The following NRG1 variants were observed in gnomAD, a reference collection of about 807,000 sequenced individuals.
The protein encoded by NRG1 is pro-neuregulin-1, membrane-bound isoform.
A neutral mutation model predicts 63.8 loss-of-function variants in NRG1; 18 were observed. The observed-to-expected ratio is 0.28, with a 90% CI of 0.19 to 0.42. The LOEUF (loss-of-function observed/expected upper bound fraction) is 0.42. NRG1 is among the 10% of genes least tolerant of loss of function. NRG1 has a pLI of 1.00. For missense variants in NRG1, 762 were observed against 814.7 expected (o/e 0.94, Z 0.79); for synonymous variants, 302 against 301.3 (o/e 1.00, Z -0.02).
chr8:32,556,421 T>A (rs948917293), intron 1 of NRG1, among the ~76,000 whole-genome samples: 2 of 152,184 alleles, frequency 1.3e-5, no homozygotes, highest in Non-Finnish European at 2.9e-5. Flanking sequence ...AGAAAAGTAG[T>A]AAGTTTCCAC....
chr8:32,047,797 T>C (rs184367282), intron 1 of NRG1, among the ~76,000 whole-genome samples: 200 of 151,990 alleles, frequency 1.3e-3, no homozygotes, highest in African/African-American at 4.5e-3. Context: ...ATTTACTCTT[T>C]TTTTTTTAAG....
intron 1 of NRG1, among the ~76,000 whole-genome samples, chr8:31,765,166 T>A (rs928663607): frequency 1.3e-5 from 2 of 152,184 alleles, no homozygotes; most frequent in Non-Finnish European, 2.9e-5. Context: ...CAATTTATTT[T>A]GTATGTTTAT....
intron 1 of NRG1, among the ~76,000 whole-genome samples, chr8:32,405,182 A>C (rs1420721166): frequency 2.0e-5 from 3 of 152,188 alleles, no homozygotes; most frequent in Non-Finnish European, 2.9e-5. Flanking sequence ...AAAGAAAGGA[A>C]GTTATGTGTT....
chr8:31,683,134 AAGG>A (rs748392300), intron 1 of NRG1, among the ~76,000 whole-genome samples: 2 of 152,158 alleles, frequency 1.3e-5, no homozygotes, highest in Non-Finnish European at 2.9e-5. Context: ...AAGAGAAAGG[AAGG>A]AGGTTTCATA....
intron 1 of NRG1, among the ~76,000 whole-genome samples, chr8:31,808,326 A>G (rs1366164255): frequency 6.6e-6 from 1 of 151,872 alleles, no homozygotes; most frequent in African/African-American, 2.4e-5. Context: ...TCAATCATTC[A>G]TCTTGTATAT....
intron 1 of NRG1, among the ~76,000 whole-genome samples, chr8:32,522,986 G>A (rs1168660586): frequency 6.6e-6 from 1 of 152,032 alleles, no homozygotes; most frequent in African/African-American, 2.4e-5. Context: ...ATTTTTCATA[G>A]ATATGGAGTT....
intron 3 of NRG1, among the ~76,000 whole-genome samples, chr8:32,609,515 G>C (rs1296839171): frequency 2.0e-5 from 3 of 151,666 alleles, no homozygotes; most frequent in African/African-American, 7.3e-5. Context: ...GACTTGGGCT[G>C]ATAGAGAGTA....
chr8:32,157,139 G>C (rs1450299543), intron 1 of NRG1, among the ~76,000 whole-genome samples: 1 of 150,928 alleles, frequency 6.6e-6, no homozygotes, highest in Non-Finnish European at 1.5e-5. Flanking sequence ...GGGAAGCCAA[G>C]GCGGGCGGAT....
chr8:32,210,247 AT>A (rs1347953226), intron 1 of NRG1, among the ~76,000 whole-genome samples: 2 of 152,118 alleles, frequency 1.3e-5, no homozygotes, highest in East Asian at 1.9e-4. Flanking sequence ...TATACCTATC[AT>A]TTTTTTCATA....
intron 6 of NRG1, among the ~76,000 whole-genome samples, chr8:32,739,288 T>C (rs1464531676): frequency 6.6e-6 from 1 of 152,116 alleles, no homozygotes; most frequent in Admixed American, 6.5e-5. Context: ...TCTTATTCCA[T>C]AGTTCTCGGC....
At chr8:31,872,234 T>G (rs2129611701) in intron 1 of NRG1, among the ~76,000 whole-genome samples, 1 of 152,330 alleles carries the variant, frequency 6.6e-6, no homozygotes, top group South Asian at 2.1e-4. Context: ...GGGAAATTAG[T>G]TCACAAGGTT....
chr8:32,197,481 A>G (rs559776411), intron 1 of NRG1, among the ~76,000 whole-genome samples: 15 of 152,184 alleles, frequency 9.9e-5, no homozygotes, highest in Non-Finnish European at 1.6e-4. Flanking sequence ...AGCCTGGGCA[A>G]AATGTGCCTC....
At chr8:31,639,368 C>G (rs1272406577) in exon 1 of NRG1, 2 of 1,534,240 alleles carry the variant, frequency 1.3e-6, no homozygotes, top group Non-Finnish European at 1.7e-6. Context: ...GACCCACTCG[C>G]GGGTCCCGCT....
chr8:32,405,483 G>A (rs754056519), intron 1 of NRG1, among the ~76,000 whole-genome samples: 2 of 152,180 alleles, frequency 1.3e-5, no homozygotes, highest in Non-Finnish European at 2.9e-5. Context: ...ACATAGATGA[G>A]TAATTTGGGA....
At chr8:32,175,932 C>T (rs1840675113) in intron 1 of NRG1, among the ~76,000 whole-genome samples, 1 of 152,078 alleles carries the variant, frequency 6.6e-6, no homozygotes, top group African/African-American at 2.4e-5. Flanking sequence ...GATTCAATGC[C>T]ATCCCCATCA....
intron 1 of NRG1, among the ~76,000 whole-genome samples, chr8:31,641,329 T>C (rs1563246963): frequency 1.4e-5 from 2 of 140,156 alleles, no homozygotes; most frequent in African/African-American, 5.1e-5. Flanking sequence ...TTGTTATTGG[T>C]GGGGGTTTTT....
In NRG1 at chr8:32,178,040, G is replaced by A. The variant is rs1486124975; in HGVS notation, c.38-417788G>A. Among the ~76,000 whole-genome samples the A allele has an allele frequency of 7.2e-5, 11 of 152,146 alleles. No homozygotes were observed. The East Asian group carries it at 1.9e-3, about 27-fold the overall frequency. On this transcript the variant is annotated intron_variant, in intron 1 of 10. Transcript: ENST00000519301. The stretch of plus-strand genomic sequence containing the variant: ...ATGAGGGTTATTCATCAGGAAAAGA[G>A]GGCAAGGCAAGGGGAGGGGGAAGCA...
chr8:32,631,779 T>G (rs1850354166), intron 5 of NRG1, among the ~76,000 whole-genome samples: 3 of 152,200 alleles, frequency 2.0e-5, no homozygotes, highest in African/African-American at 4.8e-5. Flanking sequence ...AAAGTTCTGG[T>G]GAGGTTAATC....
intron 2 of NRG1, among the ~76,000 whole-genome samples, chr8:32,604,026 A>G (rs1193119747): frequency 6.6e-6 from 1 of 152,228 alleles, no homozygotes; most frequent in East Asian, 1.9e-4. Flanking sequence ...AGAAGTTGAC[A>G]TTATAGCTAC....
Sources: allele counts gnomAD v4.1 joint callset (sites outside exome capture counted in the v4.1 genomes callset), GRCh38; gene constraint gnomAD v4.1.1; transcripts MANE v1.5; gene names NCBI Gene and HGNC (gene_info 2026-07-23, HGNC 2026-07-21).